HERC2: variants seen among roughly 807,000 people sequenced by gnomAD.
HERC2 encodes E3 ubiquitin-protein ligase HERC2.
A neutral mutation model predicts 537.7 loss-of-function variants in HERC2; 102 were observed. The ratio of observed to expected loss-of-function variants is 0.19; its 90% CI spans 0.16 to 0.22. HERC2 has a LOEUF of 0.22. Among genes scored for constraint, HERC2 ranks in the 10% least tolerant of loss-of-function variants. The probability of loss-of-function intolerance (pLI) is 1.00; values close to 1 mark genes in which losing one functional copy is unlikely to be tolerated. For missense variants in HERC2, 4,236 were observed against 6,198.2 expected, an observed-to-expected ratio of 0.68 and a Z score of 10.63; for synonymous variants, 2,224 against 2,466.2, an observed-to-expected ratio of 0.90 and a Z score of 2.91.
At chr15:28,153,738 G>C (rs1288169551) in intron 69 of HERC2, among the ~76,000 whole-genome samples, 1 of 152,202 alleles carries the variant, frequency 6.6e-6, no homozygotes, top group Non-Finnish European at 1.5e-5. Flanking sequence ...GAAACACCGT[G>C]GTGACAATAG....
intron 71 of HERC2, among the ~76,000 whole-genome samples, chr15:28,145,884 C>A (rs1485612186): frequency 6.6e-6 from 1 of 152,190 alleles, no homozygotes; most frequent in Non-Finnish European, 1.5e-5. Flanking sequence ...ATGGCCATGC[C>A]CTCACTGCAG....
chr15:28,128,080 C>T (rs969500752), intron 83 of HERC2, among the ~76,000 whole-genome samples: 3 of 152,122 alleles, frequency 2.0e-5, no homozygotes, highest in African/African-American at 7.2e-5. Flanking sequence ...GACACACAAC[C>T]CGAATCTACG....
chr15:28,317,938 C>A (rs1443026595), intron 2 of HERC2, among the ~76,000 whole-genome samples: 1 of 152,116 alleles, frequency 6.6e-6, no homozygotes, highest in Non-Finnish European at 1.5e-5. Flanking sequence ...TTGCTTCATG[C>A]CTATCTAATT....
At position 28,122,777 on chromosome 15, in the gene HERC2, C is replaced by G. The variant is rs1305593180; in HGVS notation, c.13188+1260G>C. On this transcript the variant is annotated intron_variant, in intron 85 of 92. Coordinates refer to ENST00000261609, the MANE Select transcript of HERC2 (RefSeq NM_004667.6). This position sits in a 1 kb window ranked among gnomAD's most constrained non-coding sequence, Gnocchi z 4.1. ...GTACCTTTCAGACGCCCTCAGCACT[C>G]CCCTGCTCTCCTGCAGCCCCAGCAG... Among the ~76,000 whole-genome samples, 1 of 152,120 alleles carries G rather than the reference C, an allele frequency of 6.6e-6. No individual in the cohort carries two copies. Among genetic ancestry groups the G allele is most frequent in the East Asian group, 1.9e-4 (1 of 5,182 alleles).
rs181149277 is a variant in HERC2 at position 28,307,134 on chromosome 15, C to G, written c.73-7618G>C. On this transcript the variant is annotated intron_variant, in intron 2 of 92. Transcript: ENST00000261609. The stretch of plus-strand genomic sequence containing the variant: ...ACAGGCATGAGCCACCACGCCCGGC[C>G]TGCAAACTTATCTATTTCTTCCACG... Among the ~76,000 whole-genome samples, 75 of 152,354 alleles carry G rather than the reference C, an allele frequency of 4.9e-4. No individual in the cohort carries two copies. In the East Asian group the frequency reaches 9.3e-3, roughly 19 times the overall value.
intron 2 of HERC2, among the ~76,000 whole-genome samples, chr15:28,317,425 A>G (rs549862638): frequency 3.9e-5 from 6 of 152,352 alleles, no homozygotes; most frequent in Admixed American, 3.9e-4. Context: ...GCTTAACTCT[A>G]AGAGCTTACA....
At chr15:28,228,140 AAAAAG>A (rs561240043) in intron 35 of HERC2, 73 bp downstream of exon 35, 171 of 1,304,032 alleles carry the variant, frequency 1.3e-4, no homozygotes, top group African/African-American at 7.1e-4. Flanking sequence ...AAAAAAAAAA[AAAAAG>A]AAAAGAAAAG....
rs753279273 is a variant in HERC2, at chr15:28,141,521, G to A, written c.11926C>T (p.Pro3976Ser). 8.1e-6 allele frequency: 13 copies of A among 1,614,118 alleles called. No individual in the cohort carries two copies. The highest frequency in any genetic ancestry group is 1.1e-5 in the Non-Finnish European group (13 of 1,180,020). Residue 3976 changes from proline (P) to serine (S), a missense_variant, in exon 78 of 93, where the codon CCC (proline) becomes TCC (serine). By Grantham distance (74) the Pro-to-Ser change is moderately conservative. This residue lies in a region of HERC2 where 156 missense variants were observed against 172.3 expected (regional missense o/e 0.91). Transcript: ENST00000261609. ...GTTGCAAGGGCTTCACAGGGAGTGGGAACTTTGACTTTTGCGCCTTCAATG... is the reference window on the plus strand; with the variant it reads ...GTTGCAAGGGCTTCACAGGGAGTGGAAACTTTGACTTTTGCGCCTTCAATG... ...GGIEGAKVKVPTPCEALATLR... is the reference protein window; with the variant it reads ...GGIEGAKVKVSTPCEALATLR...
intron 34 of HERC2, among the ~76,000 whole-genome samples, chr15:28,228,674 A>G (rs1004382594): frequency 2.6e-5 from 4 of 152,240 alleles, no homozygotes; most frequent in Non-Finnish European, 4.4e-5. Flanking sequence ...AATTACTTTA[A>G]ACATCTAACT....
chr15:28,246,689 C>G, intron 22 of HERC2, 53 bp downstream of exon 22: 2,836 of 1,286,366 alleles, frequency 2.2e-3, no homozygotes, highest in Non-Finnish European at 2.8e-3. Flanking sequence ...GACACTTTAG[C>G]TTTCATCTAT....
chr15:28,155,081 C>T (rs1416276575), intron 69 of HERC2, among the ~76,000 whole-genome samples: 1 of 149,918 alleles, frequency 6.7e-6, no homozygotes, highest in Non-Finnish European at 1.5e-5. Flanking sequence ...CATATCCCTA[C>T]AAAGCACATG....
rs112211554 is a variant in HERC2 at position 28,242,127 on chromosome 15, C to G, written c.3578-3355G>C. Among the ~76,000 whole-genome samples the G allele has an allele frequency of 7.7e-3, 1,174 of 152,276 alleles. 21 individuals are homozygous for G. Among genetic ancestry groups the G allele is most frequent in the African/African-American group, 0.027 (1,116 of 41,556 alleles). ...AGTACCTGGAGTAGTCAAATTCAGACACAGAAAGTAGAATGGTAGTTGCCA... is the reference window on the plus strand; with the variant it reads ...AGTACCTGGAGTAGTCAAATTCAGAGACAGAAAGTAGAATGGTAGTTGCCA... On this transcript the variant is annotated intron_variant, in intron 23 of 92. Transcript: ENST00000261609.
chr15:28,249,657 CTT>C (rs1239758916), intron 20 of HERC2, among the ~76,000 whole-genome samples: 1 of 151,616 alleles, frequency 6.6e-6, no homozygotes, highest in Non-Finnish European at 1.5e-5. Context: ...GAAAGTAACT[CTT>C]TTTTTTGAGA....
intron 35 of HERC2, 92 bp downstream of exon 35, chr15:28,228,126 C>CT: frequency 9.1e-7 from 1 of 1,095,176 alleles, no homozygotes; most frequent in Non-Finnish European, 1.3e-6. Flanking sequence ...TTACAAAAAG[C>CT]TTTAAAAAAA....
chr15:28,277,139 A>G (rs2075895383), intron 5 of HERC2, among the ~76,000 whole-genome samples: 1 of 152,204 alleles, frequency 6.6e-6, no homozygotes, highest in African/African-American at 2.4e-5. Context: ...ATCACATAAT[A>G]GGCACACAGA....
chr15:28,159,971 G>A (rs1341283573), intron 69 of HERC2, among the ~76,000 whole-genome samples: 1 of 152,226 alleles, frequency 6.6e-6, no homozygotes, highest in Admixed American at 6.5e-5. Flanking sequence ...TCAGCTGCAG[G>A]TCTGTTGGAG....
chr15:28,182,018 G>A (rs565945868), intron 57 of HERC2, among the ~76,000 whole-genome samples: 8 of 152,306 alleles, frequency 5.3e-5, no homozygotes, highest in African/African-American at 1.2e-4. Flanking sequence ...TCTCAGGCGC[G>A]AAGCACCTGG....
chr15:28,161,551 C>T (rs568944849), intron 69 of HERC2, among the ~76,000 whole-genome samples: 94 of 152,294 alleles, frequency 6.2e-4, no homozygotes, highest in African/African-American at 2.0e-3. Flanking sequence ...ACTAGTAAGA[C>T]GCTCACTTTA....
intron 20 of HERC2, among the ~76,000 whole-genome samples, chr15:28,251,607 C>T (rs2075085531): frequency 2.0e-5 from 3 of 152,166 alleles, no homozygotes; most frequent in South Asian, 4.1e-4. Flanking sequence ...TCGAGACCAG[C>T]CTGGCCAACA....
Sources: allele counts gnomAD v4.1 joint callset (sites outside exome capture counted in the v4.1 genomes callset), GRCh38; gene constraint gnomAD v4.1.1; regional missense constraint gnomAD v4.1.1; non-coding constraint Gnocchi (gnomAD v3.1); transcripts MANE v1.5; gene names NCBI Gene and HGNC (gene_info 2026-07-23, HGNC 2026-07-21).